Variants in RBPMS observed in about 807,000 individuals in gnomAD.
RBPMS encodes the protein RNA binding protein, mRNA processing factor, also known as RNA-binding protein with multiple splicing.
A neutral mutation model predicts 26.8 loss-of-function variants in RBPMS; 7 were observed. That is an observed-to-expected ratio of 0.26 (90% CI 0.15 to 0.49). The LOEUF is 0.49. RBPMS is among the 20% of genes least tolerant of loss of function. RBPMS has a pLI of 0.98. For synonymous variants in RBPMS, 96 were observed against 93.3 expected (o/e 1.03, Z -0.17); for missense variants, 186 against 250.0 (o/e 0.74, Z 1.73).
chr8:30,419,088 CTAA>C (rs1810434784), intron 1 of RBPMS, among the ~76,000 whole-genome samples: 1 of 140,620 alleles, frequency 7.1e-6, no homozygotes, highest in South Asian at 2.2e-4. Context: ...AAAAACAGAA[CTAA>C]TAAACTTCAG....
intron 7 of RBPMS, among the ~76,000 whole-genome samples, chr8:30,559,994 A>G (rs976696023): frequency 2.0e-5 from 3 of 152,226 alleles, no homozygotes; most frequent in Non-Finnish European, 4.4e-5. Flanking sequence ...CTGGAGAGGC[A>G]TTCTGTGGAA....
intron 1 of RBPMS, among the ~76,000 whole-genome samples, chr8:30,422,243 G>C (rs911171619): frequency 6.6e-6 from 1 of 151,704 alleles, no homozygotes; most frequent in African/African-American, 2.4e-5. Flanking sequence ...AGCCTCCTGA[G>C]TAACTGGGAT....
intron 4 of RBPMS, among the ~76,000 whole-genome samples, chr8:30,487,554 A>G (rs1236455918): frequency 2.1e-5 from 3 of 141,668 alleles, no homozygotes; most frequent in Non-Finnish European, 4.7e-5. Flanking sequence ...TTTGCTTTTT[A>G]TAGACATTTA....
At chr8:30,529,502 A>T (rs906462286) in intron 5 of RBPMS, among the ~76,000 whole-genome samples, 7 of 150,550 alleles carry the variant, frequency 4.6e-5, no homozygotes, top group Non-Finnish European at 8.9e-5. Context: ...AACTCCACCT[A>T]AAAAAAAAGA....
At chr8:30,516,421 C>G (rs946082019) in intron 5 of RBPMS, among the ~76,000 whole-genome samples, 1 of 152,134 alleles carries the variant, frequency 6.6e-6, no homozygotes, top group Non-Finnish European at 1.5e-5. Context: ...GCTTTTGTGT[C>G]AGCCTCTCCT....
intron 5 of RBPMS, among the ~76,000 whole-genome samples, chr8:30,528,507 G>GT (rs1807244775): frequency 1.3e-5 from 2 of 152,204 alleles, no homozygotes; most frequent in African/African-American, 4.8e-5. Context: ...CTGGGAACTG[G>GT]TGAAACCTGA....
intron 8 of RBPMS, among the ~76,000 whole-genome samples, chr8:30,570,292 T>C (rs909671154): frequency 2.6e-5 from 4 of 152,202 alleles, no homozygotes; most frequent in East Asian, 1.9e-4. Flanking sequence ...AGCTGATTGA[T>C]TGCCTTCTGC....
chr8:30,501,202 A>C (rs1044457634), intron 4 of RBPMS, among the ~76,000 whole-genome samples: 6 of 151,910 alleles, frequency 3.9e-5, no homozygotes, highest in Admixed American at 2.6e-4. Context: ...CAAAGTCCTC[A>C]GTCATGGCAT....
intron 4 of RBPMS, among the ~76,000 whole-genome samples, chr8:30,502,135 T>G (rs1820619130): frequency 8.7e-6 from 1 of 114,556 alleles, no homozygotes; most frequent in African/African-American, 3.5e-5. Context: ...TTTTAACTTC[T>G]GAGCTTTTTT....
At chr8:30,524,024 T>C (rs1371455083) in intron 5 of RBPMS, among the ~76,000 whole-genome samples, 2 of 152,220 alleles carry the variant, frequency 1.3e-5, no homozygotes, top group Admixed American at 1.3e-4. Flanking sequence ...GTTTATTTGT[T>C]GTGGAACCCA....
chr8:30,506,080 G>C (rs1442358798), intron 5 of RBPMS, among the ~76,000 whole-genome samples: 3 of 152,060 alleles, frequency 2.0e-5, no homozygotes, highest in Non-Finnish European at 2.9e-5. Flanking sequence ...TCCTACAACA[G>C]CCCTGTGAAA....
At chr8:30,493,909 A>G (rs565280161) in intron 4 of RBPMS, among the ~76,000 whole-genome samples, 62 of 152,324 alleles carry the variant, frequency 4.1e-4, no homozygotes, top group African/African-American at 1.3e-3. Context: ...TACAAAGCAG[A>G]TTCTCCTAGG....
At chr8:30,556,524 C>T (rs1826934628) in intron 6 of RBPMS, 6 of 986,446 alleles carry the variant, frequency 6.1e-6, no homozygotes, top group Non-Finnish European at 7.2e-6. Flanking sequence ...CCTGTGTCTC[C>T]TGTGAAACAC....
rs117155882 is a variant in RBPMS at position 30,466,427 on chromosome 8, T to C, written c.67-8352T>C. On this transcript the variant is annotated intron_variant, in intron 1 of 8. Coordinates refer to ENST00000397323, the MANE Select transcript of RBPMS (RefSeq NM_001008710.3). ...TGGATGTTGTGGCACACACCTTTAGTCCTAGCTACTTGGTTGGCTGAGGTG... is the reference window on the plus strand; with the variant it reads ...TGGATGTTGTGGCACACACCTTTAGCCCTAGCTACTTGGTTGGCTGAGGTG... 1.8e-4 allele frequency among the ~76,000 whole-genome samples: 28 copies of C among 152,144 alleles called. No individual in the cohort carries two copies. The East Asian group carries it at 4.7e-3, about 25-fold the overall frequency.
Position 30,478,656 on chromosome 8 carries a change from C to T in RBPMS, c.184-659C>T, listed in dbSNP as rs569084244. Among the ~76,000 whole-genome samples, 18 of 152,254 alleles carry T rather than the reference C, an allele frequency of 1.2e-4. No homozygotes were observed. The East Asian group carries it at 3.3e-3, about 28-fold the overall frequency. ...CTGGGACTACAGGCGCATGCCACCA[C>T]GCCCAGCTAGTTTTTGTATTTGTAG... On this transcript the variant is annotated intron_variant, in intron 3 of 8. Coordinates refer to ENST00000397323, the MANE Select transcript of RBPMS (RefSeq NM_001008710.3).
chr8:30,407,941 T>G (rs1453166842), intron 1 of RBPMS, among the ~76,000 whole-genome samples: 1 of 150,414 alleles, frequency 6.6e-6, no homozygotes, highest in Non-Finnish European at 1.5e-5. Flanking sequence ...GTTCTCTTCC[T>G]TAGGCCCATA....
intron 4 of RBPMS, among the ~76,000 whole-genome samples, chr8:30,499,870 CTGTGTGTGTGTG>C (rs10543546): frequency 0.029 from 4,332 of 150,262 alleles, 213 homozygotes; most frequent in African/African-American, 0.099. Context: ...TCAGGGGAAA[CTGTGTGTGTGTG>C]TGTGTGTGTG....
At chr8:30,545,385 T>C in intron 6 of RBPMS, 1 of 1,134,398 alleles carries the variant, frequency 8.8e-7, no homozygotes, top group Non-Finnish European at 1.1e-6. Flanking sequence ...CAAGTGGTAG[T>C]AATCAGTGTA....
intron 1 of RBPMS, among the ~76,000 whole-genome samples, chr8:30,456,478 C>T (rs4733489): frequency 1 from 152,000 of 152,266 alleles, 75,867 homozygotes; most frequent in Non-Finnish European, 1. Context: ...TGGTGTGTGA[C>T]ATTAACCACA....
Sources: gnomAD v4.1 joint callset for allele counts (sites outside exome capture counted in the v4.1 genomes callset) on GRCh38, gnomAD v4.1.1 for gene constraint, MANE v1.5 for transcripts, NCBI Gene and HGNC (gene_info 2026-07-23, HGNC 2026-07-21) for gene names.